Variants in ALDH8A1 observed in about 807,000 individuals in gnomAD.
ALDH8A1 encodes the protein 2-aminomuconic semialdehyde dehydrogenase.
A neutral mutation model predicts 43.3 loss-of-function variants in ALDH8A1; 39 were observed. That is an observed-to-expected ratio of 0.90 (90% CI 0.70 to 1.18). The LOEUF is 1.18. Among genes scored for constraint, ALDH8A1 ranks in the 50% most tolerant of loss-of-function variants. The pLI is 0.00. For synonymous variants in ALDH8A1, 233 were observed against 243.5 expected, an observed-to-expected ratio of 0.96 and a Z score of 0.40; for missense variants, 605 against 622.6, an observed-to-expected ratio of 0.97 and a Z score of 0.30.
At chr6:134,949,528 T>C (rs1298369030) in intron 1 of ALDH8A1, among the ~76,000 whole-genome samples, 1 of 150,984 alleles carries the variant, frequency 6.6e-6, no homozygotes, top group African/African-American at 2.4e-5. Flanking sequence ...AAAGCTATAC[T>C]TTTTTTTTAA....
At chr6:134,940,163 A>T (rs1458559435) in intron 3 of ALDH8A1, 1 of 353,904 alleles carries the variant, frequency 2.8e-6, no homozygotes, top group South Asian at 2.1e-5. Context: ...GCAGCAAACC[A>T]CCATGGCACA....
At chr6:134,942,377 C>T (rs755526654) in intron 3 of ALDH8A1, 32 bp downstream of exon 3, 14 of 1,551,694 alleles carry the variant, frequency 9.0e-6, no homozygotes, top group South Asian at 7.2e-5. Context: ...CAAGCATAAC[C>T]GGGAGGTGGG....
intron 3 of ALDH8A1, chr6:134,941,401 T>G (rs1773852183): frequency 6.7e-6 from 1 of 148,892 alleles, no homozygotes; most frequent in African/African-American, 2.5e-5. Context: ...TGTTTTGTTT[T>G]TTTGAGACCG....
intron 4 of ALDH8A1, among the ~76,000 whole-genome samples, chr6:134,936,327 A>G (rs1241977973): frequency 6.6e-6 from 1 of 152,174 alleles, no homozygotes; most frequent in Non-Finnish European, 1.5e-5. Context: ...TCAGTCCTGG[A>G]TTGTAGGTCA....
intron 5 of ALDH8A1, among the ~76,000 whole-genome samples, chr6:134,931,059 T>C (rs1403555475): frequency 6.6e-6 from 1 of 152,226 alleles, no homozygotes; most frequent in African/African-American, 2.4e-5. Flanking sequence ...ATCGCTCAGC[T>C]AAATCAAGCT....
In ALDH8A1 at chr6:134,922,491, G is replaced by C. The variant is rs541372863; in HGVS notation, c.1012-3624C>G. Among the ~76,000 whole-genome samples the C allele has an allele frequency of 3.3e-5, 5 of 151,976 alleles. No homozygotes were observed. The South Asian group carries it at 1.0e-3, about 32-fold the overall frequency. On this transcript the variant is annotated intron_variant, in intron 6 of 6. Coordinates refer to ENST00000265605, the MANE Select transcript of ALDH8A1 (RefSeq NM_022568.4). ...CAACCTCTGCCTCCCGGGTGCAAGC[G>C]ATTCTCCTGCCTCAGCCTCCCGAGT...
At chr6:134,933,834 G>A (rs572685228) in intron 4 of ALDH8A1, among the ~76,000 whole-genome samples, 6 of 152,114 alleles carry the variant, frequency 3.9e-5, no homozygotes, top group South Asian at 2.1e-4. Context: ...TCAGCCTCCC[G>A]AGTAGCTGGG....
intron 1 of ALDH8A1, among the ~76,000 whole-genome samples, chr6:134,946,808 G>A (rs895281265): frequency 1.5e-4 from 23 of 150,982 alleles, no homozygotes; most frequent in Admixed American, 1.0e-3. Flanking sequence ...GCATGTGTGC[G>A]TGCACGCACA....
chr6:134,923,939 A>T (rs1436160316), intron 6 of ALDH8A1, among the ~76,000 whole-genome samples: 1 of 152,156 alleles, frequency 6.6e-6, no homozygotes, highest in Non-Finnish European at 1.5e-5. Flanking sequence ...AAATATTAGG[A>T]GCCCTGACAC....
chr6:134,932,650 A>G, intron 5 of ALDH8A1, 126 bp downstream of exon 5: 1 of 1,344,758 alleles, frequency 7.4e-7, no homozygotes, highest in Non-Finnish European at 1.0e-6. Flanking sequence ...CACACAATGT[A>G]CTGATCCTGC....
intron 4 of ALDH8A1, among the ~76,000 whole-genome samples, chr6:134,934,513 C>G (rs758222995): frequency 3.2e-4 from 48 of 152,132 alleles, no homozygotes; most frequent in Admixed American, 2.0e-3. Context: ...CCCGAGGATA[C>G]GTAGTGAGGG....
chr6:134,944,691 C>T (rs1253133689), intron 1 of ALDH8A1, among the ~76,000 whole-genome samples: 1 of 151,584 alleles, frequency 6.6e-6, no homozygotes, highest in South Asian at 2.1e-4. Context: ...TGAGACCAGC[C>T]TGGTCAACAT....
rs185225068 is a variant in ALDH8A1 at position 134,947,211 on chromosome 6, C to T, written c.138+2705G>A. On this transcript the variant is annotated intron_variant, in intron 1 of 6. Transcript: ENST00000265605. ...AATGAAACTAGACCCCTATCTCTCA[C>T]CAAAACAAATCAAAACAGATTAAAG... Among the ~76,000 whole-genome samples the T allele has an allele frequency of 3.2e-3, 488 of 152,196 alleles. 1 individual carries two copies. Among genetic ancestry groups the T allele is most frequent in the African/African-American group, 0.011 (460 of 41,526 alleles).
chr6:134,927,543 C>A (rs1221705504), intron 6 of ALDH8A1, among the ~76,000 whole-genome samples: 1 of 152,078 alleles, frequency 6.6e-6, no homozygotes, highest in East Asian at 1.9e-4. Flanking sequence ...AGAGAGAGAT[C>A]ATTCAACTGA....
chr6:134,921,719 C>G (rs974317808), intron 6 of ALDH8A1, among the ~76,000 whole-genome samples: 2 of 152,214 alleles, frequency 1.3e-5, no homozygotes, highest in Admixed American at 6.5e-5. Context: ...TTGGAGAAGA[C>G]AAAAACACAC....
At chr6:134,942,671 T>A (rs1365478356) in intron 2 of ALDH8A1, 107 bp from the exon 3 acceptor site, 1 of 1,193,276 alleles carries the variant, frequency 8.4e-7, no homozygotes, top group African/African-American at 1.5e-5. Flanking sequence ...CCTGGATTCC[T>A]TCTAGCCCGG....
chr6:134,937,100 G>A lies in ALDH8A1; in HGVS notation c.592+2166C>T, dbSNP rs115532533. On this transcript the variant is annotated intron_variant, in intron 4 of 6. Transcript: ENST00000265605. The stretch of plus-strand genomic sequence containing the variant: ...GAAGGGCCAGGAAAACGCAGTCAGT[G>A]GGCACTCCAGGAATGAGGGCAAATT... Among the ~76,000 whole-genome samples the A allele has an allele frequency of 8.4e-3, 1,282 of 152,172 alleles. 17 individuals carry two copies. The highest frequency in any genetic ancestry group is 0.029 in the African/African-American group (1,206 of 41,506).
chr6:134,934,254 A>G (rs1773690231), intron 4 of ALDH8A1, among the ~76,000 whole-genome samples: 1 of 152,204 alleles, frequency 6.6e-6, no homozygotes, highest in Admixed American at 6.5e-5. Flanking sequence ...ATGGGATGAG[A>G]GGTCAAACAC....
intron 6 of ALDH8A1, among the ~76,000 whole-genome samples, chr6:134,925,245 T>A (rs1776864408): frequency 6.6e-6 from 1 of 152,162 alleles, no homozygotes; most frequent in African/African-American, 2.4e-5. Flanking sequence ...GTACCAATGA[T>A]GAAGAGTTAA....
Sources: gnomAD v4.1 joint callset for allele counts (sites outside exome capture counted in the v4.1 genomes callset) on GRCh38, gnomAD v4.1.1 for gene constraint, MANE v1.5 for transcripts, NCBI Gene and HGNC (gene_info 2026-07-23, HGNC 2026-07-21) for gene names.